KIF1B: variants seen among roughly 807,000 people sequenced by gnomAD.
The protein encoded by KIF1B is kinesin family member 1B, also known as kinesin-like protein KIF1B.
In KIF1B, 76 loss-of-function variants were observed where a neutral mutation model predicts 241.9. The observed-to-expected ratio is 0.31, with a 90% CI of 0.26 to 0.38. The LOEUF (loss-of-function observed/expected upper bound fraction) is 0.38, where lower values mean the gene tolerates loss of function less well. Ranked by LOEUF, KIF1B falls within the 10% of genes least tolerant of loss-of-function variation. The probability of loss-of-function intolerance (pLI) is 1.00; values close to 1 mark genes in which losing one functional copy is unlikely to be tolerated. For synonymous variants in KIF1B, 750 were observed against 796.7 expected, an observed-to-expected ratio of 0.94 and a Z score of 0.99; for missense variants, 1,622 against 2,271.4, an observed-to-expected ratio of 0.71 and a Z score of 5.81.
rs148594151 is a variant in KIF1B at position 10,318,437 on chromosome 1, C to T, written c.2116-1606C>T. ...GTCACTGCTAGGGAACCAAAAGAAG[C>T]AGGGCTGGGTGCGGTGGCTCACGCC... On this transcript the variant is annotated intron_variant, in intron 22 of 48. Coordinates refer to ENST00000676179, the MANE Select transcript of KIF1B (RefSeq NM_001365951.3). Among the ~76,000 whole-genome samples, 14 of 151,606 alleles carry T rather than the reference C, an allele frequency of 9.2e-5. 1 individual carries two copies. Among genetic ancestry groups the T allele is most frequent in the African/African-American group, 2.0e-4 (8 of 40,964 alleles).
In KIF1B at chr1:10,381,038, C is replaced by T. The variant is rs1161886048; in HGVS notation, c.*4451C>T. On this transcript the variant is annotated 3_prime_UTR_variant, in exon 49 of 49. Coordinates refer to ENST00000676179, the MANE Select transcript of KIF1B (RefSeq NM_001365951.3). ...ATTCAGTAAAAAGCTCATAGCCAAA[C>T]GGCTGTGCTCAGATGGAAAGTCTGA... 13 of 222,710 alleles carry T rather than the reference C, an allele frequency of 5.8e-5. No individual in the cohort carries two copies. The highest frequency in any genetic ancestry group is 6.6e-5 in the East Asian group (1 of 15,186). 13.8% of individuals were successfully genotyped at this position (222,710 alleles called of 1,614,324 possible).
At chr1:10,364,993 G>A (rs544412765) in intron 41 of KIF1B, 107 bp from the exon 42 acceptor site, 31,292 of 975,184 alleles carry the variant, frequency 0.032, 710 homozygotes, top group South Asian at 0.067. Flanking sequence ...GCAACAGAGC[G>A]AGACTCCATC....
At chr1:10,360,366 G>T (rs1425040155) in intron 38 of KIF1B, among the ~76,000 whole-genome samples, 1 of 151,944 alleles carries the variant, frequency 6.6e-6, no homozygotes, top group African/African-American at 2.4e-5. Flanking sequence ...ATAGGCAGAG[G>T]CAGGCTTGTC....
chr1:10,281,742 T>C (rs192035328), intron 14 of KIF1B, among the ~76,000 whole-genome samples: 186 of 152,346 alleles, frequency 1.2e-3, no homozygotes, highest in African/African-American at 4.3e-3. Context: ...TTAAGACATA[T>C]TAAAAATCCT....
rs543663366 is a variant in KIF1B, at chr1:10,269,823, A to AAT, written c.720+1571_720+1572dup. 3.0e-4 allele frequency among the ~76,000 whole-genome samples: 46 copies of AAT among 152,204 alleles called. 1 individual carries two copies. The East Asian group carries it at 8.5e-3, about 28-fold the overall frequency. The stretch of plus-strand genomic sequence containing the variant: ...ACAAGAGCGAAACTTCGTCTCAAAA[A>AAT]ATATATATATATTTCTTATATAGAT... On this transcript the variant is annotated intron_variant, in intron 7 of 48. Coordinates refer to ENST00000676179, the MANE Select transcript of KIF1B (RefSeq NM_001365951.3).
chr1:10,358,696 A>AC (rs1225232970), intron 38 of KIF1B, among the ~76,000 whole-genome samples: 1 of 151,966 alleles, frequency 6.6e-6, no homozygotes, highest in Non-Finnish European at 1.5e-5. Flanking sequence ...AAAAAAAAAA[A>AC]AAAAACAGAT....
intron 22 of KIF1B, chr1:10,304,060 C>G (rs748620921): frequency 1.2e-6 from 2 of 1,611,674 alleles, no homozygotes; most frequent in Non-Finnish European, 1.7e-6. Context: ...CCGGAAGCCC[C>G]GCTTCCCCTT....
chr1:10,215,409 C>A (rs1263720803), intron 1 of KIF1B, among the ~76,000 whole-genome samples: 1 of 151,542 alleles, frequency 6.6e-6, no homozygotes, highest in African/African-American at 2.4e-5. Context: ...CTCCCGACCT[C>A]AGGTGATCCA....
chr1:10,246,749 A>C (rs1411160844), intron 2 of KIF1B, among the ~76,000 whole-genome samples: 2 of 152,234 alleles, frequency 1.3e-5, no homozygotes, highest in African/African-American at 4.8e-5. Flanking sequence ...TCTGTCTCAA[A>C]GAAAAAAAAG....
intron 1 of KIF1B, among the ~76,000 whole-genome samples, chr1:10,225,871 G>A (rs1017304217): frequency 6.6e-6 from 1 of 152,152 alleles, no homozygotes; most frequent in Non-Finnish European, 1.5e-5. Context: ...GGAACTTGGA[G>A]GATTTTGAAG....
intron 24 of KIF1B, among the ~76,000 whole-genome samples, chr1:10,322,458 G>C (rs1337093633): frequency 6.6e-6 from 1 of 152,270 alleles, no homozygotes; most frequent in African/African-American, 2.4e-5. Context: ...ATAGTGTCTG[G>C]CATGGTAAAA....
Position 10,363,348 on chromosome 1 carries a change from A to T in KIF1B, c.4366+4A>T, listed in dbSNP as rs761773305. 1.9e-6 allele frequency: 3 copies of T among 1,610,002 alleles called. No homozygotes were observed. In the Admixed American group the frequency reaches 5.0e-5, roughly 27 times the overall value. On this transcript the variant is annotated splice_donor_region_variant and intron_variant, in intron 41 of 48. Transcript: ENST00000676179. ...ATGTCAGACACAGGTAGTCCAGGTA[A>T]GCTCTTGTGGATTGAGGAGGTGATA...
intron 14 of KIF1B, among the ~76,000 whole-genome samples, chr1:10,279,689 CTTTTTTTTTT>C (rs34983973): frequency 1.2e-4 from 8 of 67,656 alleles, no homozygotes; most frequent in South Asian, 6.7e-4. Context: ...ACGTTTTTTC[CTTTTTTTTTT>C]TTTTTTTTTT....
chr1:10,341,977 A>G lies in KIF1B; in HGVS notation c.3514-73A>G, dbSNP rs1003860621. 1.6e-5 allele frequency: 16 copies of G among 1,021,438 alleles called. No individual in the cohort carries two copies. The African/African-American group carries it at 2.3e-4, about 14-fold the overall frequency. The allele number at this position is 1,021,438 out of a possible 1,614,324, so 63.3% of individuals were successfully genotyped here. The stretch of plus-strand genomic sequence containing the variant: ...AAAAAAAAAAAAAAAAACCCAAAAT[A>G]CGTACTAAAGTTCTGATTGAAGCAA... On this transcript the variant is annotated intron_variant, in intron 32 of 48. Coordinates refer to ENST00000676179, the MANE Select transcript of KIF1B (RefSeq NM_001365951.3).
intron 44 of KIF1B, among the ~76,000 whole-genome samples, chr1:10,370,701 T>G (rs1424603981): frequency 6.7e-6 from 1 of 148,816 alleles, no homozygotes. Flanking sequence ...AGGAGGGCAG[T>G]AGGAACATAA....
chr1:10,240,721 A>ATTTTTT lies in KIF1B; in HGVS notation c.106+8303_106+8308dup, dbSNP rs34449939. 1.1e-4 allele frequency among the ~76,000 whole-genome samples: 12 copies of ATTTTTT among 110,046 alleles called. 1 individual carries two copies. Among genetic ancestry groups the ATTTTTT allele is most frequent in the East Asian group, 3.3e-4 (1 of 3,034 alleles). 72.2% of individuals were successfully genotyped at this position (110,046 alleles called of 152,430 possible). ...GGATTTAAGAATTTATGGGTAGTTC[A>ATTTTTT]TTTTTTTTTTTTTTTTTTTTTGGTA... On this transcript the variant is annotated intron_variant, in intron 2 of 48. Coordinates refer to ENST00000676179, the MANE Select transcript of KIF1B (RefSeq NM_001365951.3).
chr1:10,270,513 G>T (rs894750278), intron 7 of KIF1B, among the ~76,000 whole-genome samples: 10 of 152,160 alleles, frequency 6.6e-5, no homozygotes, highest in African/African-American at 2.4e-4. Context: ...GCCAGTTTTT[G>T]ATTATTACAA....
intron 2 of KIF1B, among the ~76,000 whole-genome samples, chr1:10,239,827 G>T (rs1442856619): frequency 6.6e-6 from 1 of 151,270 alleles, no homozygotes; most frequent in African/African-American, 2.4e-5. Flanking sequence ...GTGCAGTGGC[G>T]CAATCTTGGC....
In KIF1B at chr1:10,374,017, A is replaced by G. The variant is rs1638816640; in HGVS notation, c.4947-299A>G. Among the ~76,000 whole-genome samples the G allele has an allele frequency of 6.6e-6, 1 of 152,242 alleles. No homozygotes were observed. The highest frequency in any genetic ancestry group is 2.4e-5 in the African/African-American group (1 of 41,472). On this transcript the variant is annotated intron_variant, in intron 45 of 48. Transcript: ENST00000676179. The surrounding 1 kb of genome is among the most constrained non-coding windows in gnomAD (Gnocchi z 4.3). Reference sequence around the variant, plus strand: ...ACTAAAAAGAAACATATAAAGGAGTAGAGTTCCTATTCCAGATAATGTGTT... The same window carrying G: ...ACTAAAAAGAAACATATAAAGGAGTGGAGTTCCTATTCCAGATAATGTGTT...
Sources: allele counts gnomAD v4.1 joint callset (sites outside exome capture counted in the v4.1 genomes callset), GRCh38; gene constraint gnomAD v4.1.1; non-coding constraint Gnocchi (gnomAD v3.1); transcripts MANE v1.5; gene names NCBI Gene and HGNC (gene_info 2026-07-23, HGNC 2026-07-21).